TGFB2: variants seen among roughly 807,000 people sequenced by gnomAD.
TGFB2 encodes transforming growth factor beta-2 proprotein.
TGFB2 carries 13 observed loss-of-function variants against 42.7 expected under a neutral mutation model. The observed-to-expected ratio is 0.30, with a 90% CI of 0.20 to 0.48. The LOEUF is 0.48. TGFB2 is among the 20% of genes least tolerant of loss of function. The pLI, the probability that TGFB2 is intolerant of heterozygous loss-of-function variation, is 0.99. For missense variants in TGFB2, 390 were observed against 517.5 expected (o/e 0.75, Z 2.39); for synonymous variants, 193 against 193.6 (o/e 1.00, Z 0.03).
intron 1 of TGFB2, among the ~76,000 whole-genome samples, chr1:218,379,454 T>A (rs1420852165): frequency 6.7e-6 from 1 of 150,186 alleles, no homozygotes; most frequent in African/African-American, 2.4e-5. Flanking sequence ...CTTTATTTTT[T>A]AATTTTATTT....
At chr1:218,358,911 C>G (rs1657126210) in intron 1 of TGFB2, among the ~76,000 whole-genome samples, 2 of 152,136 alleles carry the variant, frequency 1.3e-5, no homozygotes, top group African/African-American at 4.8e-5. Flanking sequence ...TCTGATTCTA[C>G]TTTAGACAGA....
chr1:218,436,187 T>C (rs1332314879), intron 5 of TGFB2, 40 bp downstream of exon 5: 1 of 1,594,852 alleles, frequency 6.3e-7, no homozygotes, highest in African/African-American at 1.4e-5. Flanking sequence ...TTGCATCTGT[T>C]AACTCTTAAA....
chr1:218,422,984 T>C (rs1397602849), intron 2 of TGFB2, among the ~76,000 whole-genome samples: 1 of 152,158 alleles, frequency 6.6e-6, no homozygotes, highest in African/African-American at 2.4e-5. Context: ...TGAATATTAT[T>C]AGTTATTATT....
intron 5 of TGFB2, among the ~76,000 whole-genome samples, chr1:218,436,388 T>C (rs553271410): frequency 3.9e-5 from 6 of 152,258 alleles, no homozygotes; most frequent in African/African-American, 1.2e-4. Context: ...CCAAAATTCC[T>C]CTGAAGTTCT....
At chr1:218,419,832 C>G (rs1269514904) in intron 2 of TGFB2, among the ~76,000 whole-genome samples, 2 of 151,938 alleles carry the variant, frequency 1.3e-5, no homozygotes, top group South Asian at 2.1e-4. Context: ...AGATAATAAC[C>G]ATGTAGGTAA....
intron 1 of TGFB2, among the ~76,000 whole-genome samples, chr1:218,347,496 C>A (rs902956725): frequency 5.9e-5 from 9 of 152,310 alleles, no homozygotes; most frequent in African/African-American, 1.7e-4. Context: ...AAACTAGCCT[C>A]TCCGGAAGGC....
rs116661482 is a variant in TGFB2, at chr1:218,349,244, G to A, written c.346+2197G>A. On this transcript the variant is annotated intron_variant, in intron 1 of 6. Coordinates refer to ENST00000366930, the MANE Select transcript of TGFB2 (RefSeq NM_003238.6). The stretch of plus-strand genomic sequence containing the variant: ...AGAAAGCCATATTAATAGCAGGTTC[G>A]ATACTACTGTGCAAGGACTGGATAA... 3.9e-3 allele frequency among the ~76,000 whole-genome samples: 594 copies of A among 152,128 alleles called. 4 individuals are homozygous for A. Among genetic ancestry groups the A allele is most frequent in the African/African-American group, 0.014 (568 of 41,466 alleles).
At chr1:218,379,565 C>G (rs538650456) in intron 1 of TGFB2, among the ~76,000 whole-genome samples, 2 of 146,710 alleles carry the variant, frequency 1.4e-5, no homozygotes, top group Non-Finnish European at 3.0e-5. Context: ...CTCTAATGCT[C>G]AAATCTAGCT....
chr1:218,373,238 A>G (rs1203312715), intron 1 of TGFB2, among the ~76,000 whole-genome samples: 1 of 152,120 alleles, frequency 6.6e-6, no homozygotes, highest in African/African-American at 2.4e-5. Context: ...TGTATTTTGG[A>G]GGCTTACAAA....
intron 2 of TGFB2, among the ~76,000 whole-genome samples, chr1:218,413,353 G>T (rs905677066): frequency 6.6e-6 from 1 of 152,202 alleles, no homozygotes; most frequent in African/African-American, 2.4e-5. Flanking sequence ...CCCGGGTTGC[G>T]TCACTGTTGG....
intron 1 of TGFB2, among the ~76,000 whole-genome samples, chr1:218,385,224 A>G (rs1299055938): frequency 1.3e-5 from 2 of 152,234 alleles, no homozygotes; most frequent in Non-Finnish European, 2.9e-5. Context: ...ATTAGATAAG[A>G]TAATGTAAGC....
At chr1:218,418,136 G>A (rs1021254390) in intron 2 of TGFB2, among the ~76,000 whole-genome samples, 7 of 152,178 alleles carry the variant, frequency 4.6e-5, no homozygotes, top group South Asian at 4.1e-4. Flanking sequence ...AGCTTGCACC[G>A]TATGCCTGGA....
At chr1:218,377,104 G>GC (rs1258213896) in intron 1 of TGFB2, among the ~76,000 whole-genome samples, 1 of 152,060 alleles carries the variant, frequency 6.6e-6, no homozygotes, top group Non-Finnish European at 1.5e-5. Flanking sequence ...TCACTTTGTT[G>GC]CCCGGGCTGG....
chr1:218,442,596 A>G lies in TGFB2; in HGVS notation c.*1234A>G, dbSNP rs1571908949. The G allele has an allele frequency of 1.3e-5, 2 of 151,234 alleles. No individual in the cohort carries two copies. The highest frequency in any genetic ancestry group is 6.8e-3 in the Middle Eastern group (2 of 292). The allele number at this position is 151,234 out of a possible 1,614,324, so 9.4% of individuals were successfully genotyped here. A position where few individuals can be genotyped will look rare whatever the true frequency, so the allele number is the denominator to read the frequency against. ...TGCACTACAAATGCATTTTTTTTTT[A>G]ATAACATTTGCCCTACTTGTGCTTT... On this transcript the variant is annotated 3_prime_UTR_variant, in exon 7 of 7. Transcript: ENST00000366930.
chr1:218,380,886 A>G (rs1197532354), intron 1 of TGFB2, among the ~76,000 whole-genome samples: 1 of 152,194 alleles, frequency 6.6e-6, no homozygotes, highest in African/African-American at 2.4e-5. Context: ...ACCATGTGCC[A>G]GGCATAGTGC....
chr1:218,381,045 A>G (rs1657942434), intron 1 of TGFB2, among the ~76,000 whole-genome samples: 1 of 152,282 alleles, frequency 6.6e-6, no homozygotes, highest in East Asian at 1.9e-4. Flanking sequence ...TCTCTTTGTT[A>G]CTTTAGTAAA....
At chr1:218,410,551 G>A (rs543053875) in intron 2 of TGFB2, among the ~76,000 whole-genome samples, 1 of 152,310 alleles carries the variant, frequency 6.6e-6, no homozygotes, top group South Asian at 2.1e-4. Flanking sequence ...ATCAAGATAG[G>A]CTTCCCATGT....
chr1:218,412,042 C>G (rs975363944), intron 2 of TGFB2, among the ~76,000 whole-genome samples: 5 of 152,092 alleles, frequency 3.3e-5, no homozygotes, highest in Non-Finnish European at 5.9e-5. Flanking sequence ...GAACACTAAC[C>G]CACTGTGTAA....
At chr1:218,401,228 A>G (rs534642789) in intron 1 of TGFB2, among the ~76,000 whole-genome samples, 7 of 151,094 alleles carry the variant, frequency 4.6e-5, no homozygotes, top group African/African-American at 1.5e-4. Flanking sequence ...GATACAAGTC[A>G]ACATATAATG....
Sources: gnomAD v4.1 joint callset for allele counts (sites outside exome capture counted in the v4.1 genomes callset) on GRCh38, gnomAD v4.1.1 for gene constraint, MANE v1.5 for transcripts, NCBI Gene and HGNC (gene_info 2026-07-23, HGNC 2026-07-21) for gene names.